Variants in DNAL1 observed in about 807,000 individuals in gnomAD.
The protein encoded by DNAL1 is dynein axonemal light chain 1.
DNAL1 carries 17 observed loss-of-function variants against 29.4 expected under a neutral mutation model. The ratio of observed to expected loss-of-function variants is 0.58; its 90% CI spans 0.40 to 0.87. The LOEUF (loss-of-function observed/expected upper bound fraction) is 0.87, where lower values mean the gene tolerates loss of function less well. Ranked by LOEUF, DNAL1 falls within the 40% of genes least tolerant of loss-of-function variation. DNAL1 has a pLI of 0.00. For missense variants in DNAL1, 188 were observed against 214.1 expected, an observed-to-expected ratio of 0.88 and a Z score of 0.76; for synonymous variants, 78 against 76.3, an observed-to-expected ratio of 1.02 and a Z score of -0.12.
chr14:73,675,210 A>AC (rs1453413243), intron 5 of DNAL1, among the ~76,000 whole-genome samples: 1 of 150,638 alleles, frequency 6.6e-6, no homozygotes, highest in African/African-American at 2.5e-5. Context: ...TCTCACACAC[A>AC]AACACACACA....
In DNAL1 at chr14:73,675,911, A is replaced by G. The variant is rs144609720; in HGVS notation, c.264+4314A>G. Among the ~76,000 whole-genome samples, 1,221 of 152,208 alleles carry G rather than the reference A, an allele frequency of 8.0e-3. 22 individuals are homozygous for G. Among genetic ancestry groups the G allele is most frequent in the African/African-American group, 0.028 (1,157 of 41,524 alleles). ...GTGCCTGTAATCCCAGCTACTTGGG[A>G]GGCTGAGACAGGAGAATCGCTTGAA... is the stretch of plus-strand genomic sequence containing the variant. On this transcript the variant is annotated intron_variant, in intron 5 of 7. Coordinates refer to ENST00000553645, the MANE Select transcript of DNAL1 (RefSeq NM_031427.4).
chr14:73,666,659 T>C (rs1458887927), intron 4 of DNAL1, among the ~76,000 whole-genome samples: 1 of 152,202 alleles, frequency 6.6e-6, no homozygotes, highest in Non-Finnish European at 1.5e-5. Context: ...TTTTTAGCCA[T>C]TCGTTACCAT....
chr14:73,661,220 A>G (rs1003300385), intron 3 of DNAL1, among the ~76,000 whole-genome samples: 8 of 152,250 alleles, frequency 5.3e-5, no homozygotes, highest in African/African-American at 1.7e-4. Flanking sequence ...TATCATAGAC[A>G]TCTTCCCAAG....
chr14:73,645,277 C>G (rs1348540403), intron 1 of DNAL1, among the ~76,000 whole-genome samples: 1 of 151,858 alleles, frequency 6.6e-6, no homozygotes, highest in Non-Finnish European at 1.5e-5. Flanking sequence ...GGGACTCAGA[C>G]AGGAGAAAAG....
At chr14:73,663,074 C>T (rs190120086) in intron 4 of DNAL1, among the ~76,000 whole-genome samples, 2 of 152,086 alleles carry the variant, frequency 1.3e-5, no homozygotes, top group Admixed American at 1.3e-4. Context: ...GACCACTTTC[C>T]ATTGTAAGAA....
chr14:73,683,033 C>T (rs993944553), intron 5 of DNAL1, among the ~76,000 whole-genome samples: 6 of 152,184 alleles, frequency 3.9e-5, no homozygotes, highest in Non-Finnish European at 8.8e-5. Flanking sequence ...TGCATCACCA[C>T]GCCCAGCTAA....
intron 1 of DNAL1, among the ~76,000 whole-genome samples, chr14:73,646,693 T>G (rs1321769316): frequency 6.6e-6 from 1 of 151,972 alleles, no homozygotes; most frequent in Non-Finnish European, 1.5e-5. Flanking sequence ...ACCTGGGAGG[T>G]GGAGGTTGCA....
At chr14:73,694,675 A>C (rs1350620457) in intron 7 of DNAL1, among the ~76,000 whole-genome samples, 1 of 151,564 alleles carries the variant, frequency 6.6e-6, no homozygotes, top group Non-Finnish European at 1.5e-5. Context: ...ATATTTCTTT[A>C]TGCTTAACAT....
chr14:73,676,707 TCTCA>T (rs1170151869), intron 5 of DNAL1, among the ~76,000 whole-genome samples: 2 of 151,962 alleles, frequency 1.3e-5, no homozygotes, highest in Admixed American at 6.6e-5. Context: ...TCTCTCTCTC[TCTCA>T]ATTTCTTCCT....
chr14:73,651,956 C>T (rs539749362), intron 1 of DNAL1, among the ~76,000 whole-genome samples: 2 of 152,146 alleles, frequency 1.3e-5, no homozygotes, highest in Non-Finnish European at 2.9e-5. Context: ...TGTGCCCAGC[C>T]ATATTTTATT....
rs986053621 is a variant in DNAL1, at chr14:73,696,172, C to T, written c.*230C>T. 5.7e-5 allele frequency: 24 copies of T among 419,864 alleles called. No homozygotes were observed. Among genetic ancestry groups the T allele is most frequent in the African/African-American group, 2.9e-4 (14 of 48,550 alleles). 26.0% of individuals were successfully genotyped at this position (419,864 alleles called of 1,614,324 possible). On this transcript the variant is annotated 3_prime_UTR_variant, in exon 8 of 8. Transcript: ENST00000553645. ...TCTCTTTTTAGAAACCACAAATTTT[C>T]GATTTTTGTCTTCAGTCTCAGTTAC...
rs138237929 is a variant in DNAL1, at chr14:73,658,193, G to T, written c.43-654G>T. 3.6e-3 allele frequency among the ~76,000 whole-genome samples: 543 copies of T among 152,250 alleles called. 2 individuals are homozygous for T. The highest frequency in any genetic ancestry group is 5.8e-3 in the Non-Finnish European group (393 of 68,018). ...CCCAATGTATTTTCTTGGTGCCTTT[G>T]TCAAAAATCAGTTGGCTGTAAATAC... On this transcript the variant is annotated intron_variant, in intron 2 of 7. Coordinates refer to ENST00000553645, the MANE Select transcript of DNAL1 (RefSeq NM_031427.4).
chr14:73,676,213 G>T (rs1303972043), intron 5 of DNAL1, among the ~76,000 whole-genome samples: 1 of 149,856 alleles, frequency 6.7e-6, no homozygotes, highest in African/African-American at 2.5e-5. Flanking sequence ...CAGCCTGGGT[G>T]ACAGAGCAAG....
At chr14:73,649,672 C>T (rs1367608288) in intron 1 of DNAL1, among the ~76,000 whole-genome samples, 1 of 152,188 alleles carries the variant, frequency 6.6e-6, no homozygotes, top group Non-Finnish European at 1.5e-5. Flanking sequence ...ATCCTCCACA[C>T]ACATTTACAT....
intron 7 of DNAL1, among the ~76,000 whole-genome samples, chr14:73,690,891 G>C (rs1892157495): frequency 6.6e-6 from 1 of 152,138 alleles, no homozygotes; most frequent in Non-Finnish European, 1.5e-5. Context: ...TACATGGTAA[G>C]CAGTTGCTTT....
intron 4 of DNAL1, among the ~76,000 whole-genome samples, chr14:73,664,900 A>G (rs954447231): frequency 1.3e-5 from 2 of 152,064 alleles, no homozygotes; most frequent in Non-Finnish European, 2.9e-5. Flanking sequence ...CCACGTGTGA[A>G]TGTCACCCCC....
chr14:73,651,477 C>T (rs1477779089), intron 1 of DNAL1: 2 of 152,212 alleles, frequency 1.3e-5, no homozygotes, highest in Non-Finnish European at 2.9e-5. Context: ...GTAAAAGTGT[C>T]TAGGCTTGGA....
At chr14:73,648,003 A>G (rs535546955) in intron 1 of DNAL1, among the ~76,000 whole-genome samples, 1 of 152,186 alleles carries the variant, frequency 6.6e-6, no homozygotes, top group Non-Finnish European at 1.5e-5. Context: ...TTTGATACAG[A>G]GTCTCGTTCT....
intron 4 of DNAL1, among the ~76,000 whole-genome samples, chr14:73,667,154 CTTTTTTTT>C (rs879701423): frequency 6.9e-6 from 1 of 143,964 alleles, no homozygotes; most frequent in African/African-American, 2.5e-5. Flanking sequence ...TTGATTTTTT[CTTTTTTTT>C]TTTTAATTTA....
Sources: gnomAD v4.1 joint callset for allele counts (sites outside exome capture counted in the v4.1 genomes callset) on GRCh38, gnomAD v4.1.1 for gene constraint, MANE v1.5 for transcripts, NCBI Gene and HGNC (gene_info 2026-07-23, HGNC 2026-07-21) for gene names.